Variants in KCNIP1 observed in about 807,000 individuals in gnomAD.
KCNIP1 encodes A-type potassium channel modulatory protein KCNIP1.
KCNIP1 carries 18 observed loss-of-function variants against 33.0 expected under a neutral mutation model. The observed-to-expected ratio is 0.55, with a 90% CI of 0.38 to 0.81. KCNIP1 has a LOEUF of 0.81. KCNIP1 is among the 30% of genes least tolerant of loss of function. KCNIP1 has a pLI of 0.00. For missense variants in KCNIP1, 238 were observed against 271.6 expected (o/e 0.88, Z 0.87); for synonymous variants, 93 against 98.3 (o/e 0.95, Z 0.32).
chr5:170,464,190 C>T (rs1756562360), intron 1 of KCNIP1, among the ~76,000 whole-genome samples: 1 of 152,052 alleles, frequency 6.6e-6, no homozygotes, highest in Admixed American at 6.6e-5. Context: ...GATCAGAAGA[C>T]TTATATTGTT....
chr5:170,353,975 T>C (rs371931458), intron 1 of KCNIP1: 162 of 1,612,518 alleles, frequency 1.0e-4, no homozygotes, highest in Middle Eastern at 1.6e-4. Context: ...GTATGGAAAC[T>C]GGCCTTGACC....
intron 1 of KCNIP1, among the ~76,000 whole-genome samples, chr5:170,380,595 C>T (rs1764200975): frequency 6.6e-6 from 1 of 152,218 alleles, no homozygotes. Context: ...ATCTAGGGCC[C>T]CAGCCAGCCA....
rs1239713633 is a variant in KCNIP1 at position 170,504,528 on chromosome 5, G to A, written c.-45G>A. Reference sequence around the variant, plus strand: ...GGGGATTTCTTTCCAGGGTAGGGGAGGGGCCGGGCCCGGGGTCCCAACTCG... The same window carrying A: ...GGGGATTTCTTTCCAGGGTAGGGGAAGGGCCGGGCCCGGGGTCCCAACTCG... On this transcript the variant is annotated 5_prime_UTR_variant, in exon 1 of 8. Transcript: ENST00000328939. The surrounding 1 kb of genome is among the most constrained non-coding windows in gnomAD (Gnocchi z 6.0). 1 of 1,610,750 alleles carries A rather than the reference G, an allele frequency of 6.2e-7. No homozygotes were observed. The highest frequency in any genetic ancestry group is 1.7e-5 in the Admixed American group (1 of 59,984).
At chr5:170,563,691 A>AAT (rs1757112822) in intron 1 of KCNIP1, among the ~76,000 whole-genome samples, 1 of 152,058 alleles carries the variant, frequency 6.6e-6, no homozygotes, top group Non-Finnish European at 1.5e-5. Context: ...CCCAGGCTGG[A>AAT]GTGCAATGGC....
At chr5:170,464,038 C>G (rs1756559044) in intron 1 of KCNIP1, among the ~76,000 whole-genome samples, 1 of 124,936 alleles carries the variant, frequency 8.0e-6, no homozygotes, top group Admixed American at 8.0e-5. Flanking sequence ...AAAAAACAAT[C>G]CCACTTACAA....
chr5:170,420,005 C>A (rs923068688), intron 1 of KCNIP1, among the ~76,000 whole-genome samples: 72 of 152,330 alleles, frequency 4.7e-4, no homozygotes, highest in African/African-American at 1.6e-3. Context: ...GACCCTTCCC[C>A]GCCCACTGTT....
At chr5:170,667,219 G>T (rs1243012865) in intron 1 of KCNIP1, among the ~76,000 whole-genome samples, 1 of 151,896 alleles carries the variant, frequency 6.6e-6, no homozygotes. Context: ...GGCTGAGGCA[G>T]GAGAATTGCT....
chr5:170,531,602 T>C (rs1473491162), intron 1 of KCNIP1, among the ~76,000 whole-genome samples: 4 of 152,220 alleles, frequency 2.6e-5, no homozygotes, highest in Non-Finnish European at 5.9e-5. Flanking sequence ...TAATTAGCAC[T>C]CTTGTTATGC....
intron 1 of KCNIP1, among the ~76,000 whole-genome samples, chr5:170,445,312 G>T (rs900896295): frequency 1.3e-5 from 2 of 152,304 alleles, no homozygotes; most frequent in Admixed American, 1.3e-4. Flanking sequence ...TTGAATGAAT[G>T]AATGAATAGA....
intron 1 of KCNIP1, among the ~76,000 whole-genome samples, chr5:170,572,020 G>A (rs1288097239): frequency 6.6e-6 from 1 of 152,118 alleles, no homozygotes; most frequent in African/African-American, 2.4e-5. Context: ...AGTAATGACA[G>A]CCCAAGTAGT....
At chr5:170,395,661 A>T (rs535278146) in intron 1 of KCNIP1, among the ~76,000 whole-genome samples, 1 of 152,240 alleles carries the variant, frequency 6.6e-6, no homozygotes, top group Non-Finnish European at 1.5e-5. Flanking sequence ...TGGCAACATC[A>T]TAGAAGTGGG....
intron 1 of KCNIP1, among the ~76,000 whole-genome samples, chr5:170,585,481 C>A (rs1014439787): frequency 6.6e-6 from 1 of 152,162 alleles, no homozygotes; most frequent in Non-Finnish European, 1.5e-5. Flanking sequence ...CCCCACTCCT[C>A]GTGGCTCCAC....
At chr5:170,396,398 C>G (rs1754763738) in intron 1 of KCNIP1, among the ~76,000 whole-genome samples, 1 of 152,230 alleles carries the variant, frequency 6.6e-6, no homozygotes, top group Admixed American at 6.5e-5. Flanking sequence ...GAGATTTGTT[C>G]TGAGCCAAAT....
At position 170,402,430 on chromosome 5, in the gene KCNIP1, G is replaced by A. The variant is rs145982462; in HGVS notation, c.88+48466G>A. Among the ~76,000 whole-genome samples, 241 of 152,196 alleles carry A rather than the reference G, an allele frequency of 1.6e-3. 3 individuals carry two copies. The highest frequency in any genetic ancestry group is 5.2e-3 in the African/African-American group (215 of 41,532). ...AATAACAGGGCATTTCTAACTCGTG[G>A]GAAGTCCAATATGGATGTTCCTGCT... is the stretch of plus-strand genomic sequence containing the variant. On this transcript the variant is annotated intron_variant, in intron 1 of 7. Coordinates refer to the KCNIP1 transcript ENST00000377360.
chr5:170,487,409 A>T (rs1757120284), intron 1 of KCNIP1, among the ~76,000 whole-genome samples: 1 of 152,190 alleles, frequency 6.6e-6, no homozygotes, highest in Non-Finnish European at 1.5e-5. Flanking sequence ...GACACGCAAA[A>T]TTAACCGACA....
chr5:170,409,054 G>T (rs1033770340), intron 1 of KCNIP1, among the ~76,000 whole-genome samples: 30 of 152,160 alleles, frequency 2.0e-4, no homozygotes, highest in African/African-American at 7.2e-4. Context: ...ACGGGGAGAG[G>T]CTCTATTCTA....
intron 1 of KCNIP1, among the ~76,000 whole-genome samples, chr5:170,524,328 A>G (rs1300025580): frequency 6.6e-6 from 1 of 152,100 alleles, no homozygotes; most frequent in African/African-American, 2.4e-5. Context: ...CCAGTTGTCC[A>G]ATGTGGCTTT....
chr5:170,358,562 C>T (rs1470847009), intron 1 of KCNIP1, among the ~76,000 whole-genome samples: 1 of 152,202 alleles, frequency 6.6e-6, no homozygotes, highest in Admixed American at 6.5e-5. Flanking sequence ...CCACCCCAAG[C>T]CAAGGCTCCC....
At chr5:170,650,895 A>G (rs1761020216) in intron 1 of KCNIP1, among the ~76,000 whole-genome samples, 1 of 152,272 alleles carries the variant, frequency 6.6e-6, no homozygotes, top group Non-Finnish European at 1.5e-5. Context: ...TTTGCAAAGC[A>G]TCTGATAAAA....
Sources: gnomAD v4.1 joint callset for allele counts (sites outside exome capture counted in the v4.1 genomes callset) on GRCh38, gnomAD v4.1.1 for gene constraint, Gnocchi (gnomAD v3.1) non-coding constraint, MANE v1.5 for transcripts, NCBI Gene and HGNC (gene_info 2026-07-23, HGNC 2026-07-21) for gene names.